The following CTNNA1 variants were observed in gnomAD, a reference collection of about 807,000 sequenced individuals.
CTNNA1 encodes catenin alpha 1.
CTNNA1 carries 37 observed loss-of-function variants against 98.4 expected under a neutral mutation model. That is an observed-to-expected ratio of 0.38 (90% confidence interval 0.29 to 0.49). The LOEUF is 0.49. Among genes scored for constraint, CTNNA1 ranks in the 20% least tolerant of loss-of-function variants. The pLI, the probability that CTNNA1 is intolerant of heterozygous loss-of-function variation, is 0.95. For synonymous variants in CTNNA1, 404 were observed against 413.2 expected (o/e 0.98, Z 0.27); for missense variants, 761 against 1,147.2 (o/e 0.66, Z 4.86).
At chr5:138,813,139 T>C (rs1290815709) in intron 5 of CTNNA1, among the ~76,000 whole-genome samples, 3 of 152,224 alleles carry the variant, frequency 2.0e-5, no homozygotes, top group African/African-American at 7.2e-5. Flanking sequence ...GCTAAGTGAC[T>C]TCAGGGTTGT....
chr5:138,801,499 T>C (rs1757571335), intron 3 of CTNNA1, among the ~76,000 whole-genome samples: 1 of 152,194 alleles, frequency 6.6e-6, no homozygotes, highest in Non-Finnish European at 1.5e-5. Flanking sequence ...AATCCACGTA[T>C]AAATAAACCC....
chr5:138,907,955 GCC>G (rs1759638108), intron 10 of CTNNA1, among the ~76,000 whole-genome samples: 1 of 151,330 alleles, frequency 6.6e-6, no homozygotes. Context: ...TCATCCCCAT[GCC>G]CCCCATCCGC....
chr5:138,764,153 C>T (rs1752651864), intron 1 of CTNNA1, among the ~76,000 whole-genome samples: 1 of 152,074 alleles, frequency 6.6e-6, no homozygotes, highest in Non-Finnish European at 1.5e-5. Context: ...CCATTGCACT[C>T]CAGCGTGGGT....
chr5:138,908,587 C>CGCAGGAGGATTGCTTGAGT (rs370004174), intron 10 of CTNNA1, among the ~76,000 whole-genome samples: 4 of 152,168 alleles, frequency 2.6e-5, no homozygotes, highest in African/African-American at 9.6e-5. Flanking sequence ...ATCGCTTGAG[C>CGCAGGAGGATTGCTTGAGT]GCAGGAGTTC....
chr5:138,795,101 G>C (rs987362329), intron 3 of CTNNA1, among the ~76,000 whole-genome samples: 1 of 145,788 alleles, frequency 6.9e-6, no homozygotes, highest in African/African-American at 2.6e-5. Context: ...AATAAGCCAA[G>C]GTTGCGCCAC....
intron 1 of CTNNA1, among the ~76,000 whole-genome samples, chr5:138,771,664 A>G (rs1292233349): frequency 6.6e-6 from 1 of 152,080 alleles, no homozygotes; most frequent in Non-Finnish European, 1.5e-5. Context: ...TGGGATAACA[A>G]GTCAGAGTGT....
chr5:138,929,355 G>A lies in CTNNA1; in HGVS notation c.2009G>A (p.Arg670Gln), dbSNP rs1180015219. 3.9e-6 allele frequency: 6 copies of A among 1,524,544 alleles called. No individual in the cohort carries two copies. Among genetic ancestry groups the A allele is most frequent in the African/African-American group, 1.4e-5 (1 of 73,264 alleles). The allele number at this position is 1,524,544 out of a possible 1,614,324, so 94.4% of individuals were successfully genotyped here. The change falls in exon 14 of 18, where the codon CGG (arginine) becomes CAG (glutamine). Residue 670 changes from arginine to glutamine, a missense_variant and splice_region_variant. This residue lies in a region of CTNNA1 where 77 missense variants were observed against 198.8 expected (regional missense o/e 0.39). Coordinates refer to ENST00000302763, the MANE Select transcript of CTNNA1 (RefSeq NM_001903.5). Reference protein sequence around the residue: ...DDQLIAGQSARAIMAQLPQEQ... With the variant: ...DDQLIAGQSAQAIMAQLPQEQ... ...CAGCTGATAGCTGGCCAGAGTGCCC[G>A]GGTAAGGAAGCGCTCCGTGGGGCAG...
chr5:138,799,857 G>GATGGATGTATGTATGTATGT (rs151142176), intron 3 of CTNNA1, among the ~76,000 whole-genome samples: 8 of 149,024 alleles, frequency 5.4e-5, no homozygotes, highest in African/African-American at 2.0e-4. Flanking sequence ...AGTAGATGTA[G>GATGGATGTATGTATGTATGT]ATGTATGTAT....
chr5:138,859,661 C>T lies in CTNNA1; in HGVS notation c.1063-26551C>T, dbSNP rs556668970. On this transcript the variant is annotated intron_variant, in intron 7 of 17. Coordinates refer to ENST00000302763, the MANE Select transcript of CTNNA1 (RefSeq NM_001903.5). ...TAACAGGGCTCAGAGCAGTGGCTCA[C>T]GCCTGTAATCCCAGCACTTTAGGGT... Among the ~76,000 whole-genome samples the T allele has an allele frequency of 6.6e-5, 10 of 152,322 alleles. No homozygotes were observed. In the East Asian group the frequency reaches 1.9e-3, roughly 29 times the overall value.
At chr5:138,777,756 G>A (rs1427304763) in intron 1 of CTNNA1, among the ~76,000 whole-genome samples, 1 of 151,184 alleles carries the variant, frequency 6.6e-6, no homozygotes, top group Non-Finnish European at 1.5e-5. Flanking sequence ...CACTCGGCAG[G>A]CTGAGGCAGG....
chr5:138,931,713 T>G (rs1389366352), intron 16 of CTNNA1: 5 of 985,356 alleles, frequency 5.1e-6, no homozygotes, highest in Non-Finnish European at 2.4e-6. Flanking sequence ...CACTTCCTTC[T>G]GCATCCAGCT....
chr5:138,776,253 A>T (rs1485695538), intron 1 of CTNNA1, among the ~76,000 whole-genome samples: 4 of 151,716 alleles, frequency 2.6e-5, no homozygotes, highest in African/African-American at 7.3e-5. Context: ...ACTCTTAACG[A>T]GCATGCTGCC....
At chr5:138,886,082 G>A (rs1162845671) in intron 7 of CTNNA1, 130 bp from the exon 8 acceptor site, 1 of 986,248 alleles carries the variant, frequency 1.0e-6, no homozygotes, top group Non-Finnish European at 1.5e-6. Context: ...CTGCTCCCCA[G>A]TATTTTCCAA....
chr5:138,838,338 A>G (rs1019639045), intron 7 of CTNNA1, among the ~76,000 whole-genome samples: 1 of 152,232 alleles, frequency 6.6e-6, no homozygotes, highest in African/African-American at 2.4e-5. Context: ...TTATCCACTT[A>G]GTTGATTTTG....
At chr5:138,764,868 CTTTT>C (rs35354499) in intron 1 of CTNNA1, among the ~76,000 whole-genome samples, 4 of 84,940 alleles carry the variant, frequency 4.7e-5, no homozygotes, top group African/African-American at 9.4e-5. Context: ...GTATCTCTCT[CTTTT>C]TTTTTTTTTT....
chr5:138,797,169 A>G (rs1019106533), intron 3 of CTNNA1, among the ~76,000 whole-genome samples: 3 of 152,226 alleles, frequency 2.0e-5, no homozygotes, highest in African/African-American at 7.2e-5. Flanking sequence ...AGAAAATTTG[A>G]AGCCTGAGTT....
chr5:138,874,798 A>C lies in CTNNA1; in HGVS notation c.1063-11414A>C, dbSNP rs183310304. 1,502 of 1,153,906 alleles carry C rather than the reference A, an allele frequency of 1.3e-3. 19 individuals carry two copies. The Middle Eastern group carries it at 0.016, about 12-fold the overall frequency. The allele number at this position is 1,153,906 out of a possible 1,614,324, so 71.5% of individuals were successfully genotyped here. On this transcript the variant is annotated intron_variant, in intron 7 of 17. Coordinates refer to ENST00000302763, the MANE Select transcript of CTNNA1 (RefSeq NM_001903.5). This position sits in a 1 kb window ranked among gnomAD's most constrained non-coding sequence, Gnocchi z 4.1. ...CGATATATGCTTTTACCTAAACCTC[A>C]AAATCCAAAATATGATGGTGATTTC...
At position 138,818,894 on chromosome 5, in the gene CTNNA1, C is replaced by T. The variant is rs575690302; in HGVS notation, c.589-5636C>T. Among the ~76,000 whole-genome samples, 12 of 152,244 alleles carry T rather than the reference C, an allele frequency of 7.9e-5. No individual in the cohort carries two copies. In the South Asian group the frequency reaches 2.5e-3, roughly 32 times the overall value. On this transcript the variant is annotated intron_variant, in intron 5 of 17. Coordinates refer to ENST00000302763, the MANE Select transcript of CTNNA1 (RefSeq NM_001903.5). ...TCAGGGTTTTGTGAACTTACTGTGG[C>T]ACCTGGATCTTGGGATGTATTGAGT... is the stretch of plus-strand genomic sequence containing the variant.
In CTNNA1 at chr5:138,932,685, T is replaced by C; in HGVS notation, c.2406T>C (p.Asn802=). 6.2e-7 allele frequency: 1 copy of C among 1,614,106 alleles called. No individual in the cohort carries two copies. The highest frequency in any genetic ancestry group is 8.5e-7 in the Non-Finnish European group (1 of 1,180,022). Residue 802 remains asparagine, a synonymous_variant, in exon 17 of 18, where the codon AAT becomes AAC. Coordinates refer to ENST00000302763, the MANE Select transcript of CTNNA1 (RefSeq NM_001903.5). ...GCAAGGTCAAGGCCGAGGTGCAGAATCTCGGCGGGGAGCTTGTTGTCTCTG... is the reference window on the plus strand; with the variant it reads ...GCAAGGTCAAGGCCGAGGTGCAGAACCTCGGCGGGGAGCTTGTTGTCTCTG... ...ICSKVKAEVQ[N]LGGELVVSGV... is the part of the protein sequence containing the mutation.
Sources: gnomAD v4.1 joint callset for allele counts (sites outside exome capture counted in the v4.1 genomes callset) on GRCh38, gnomAD v4.1.1 for gene constraint, gnomAD v4.1.1 regional missense constraint, Gnocchi (gnomAD v3.1) non-coding constraint, MANE v1.5 for transcripts, NCBI Gene and HGNC (gene_info 2026-07-23, HGNC 2026-07-21) for gene names.